Variants in KCTD8 observed in about 807,000 individuals in gnomAD.
KCTD8 encodes the protein BTB/POZ domain-containing protein KCTD8.
KCTD8 carries 27 observed loss-of-function variants against 31.5 expected under a neutral mutation model. The observed-to-expected ratio is 0.86, with a 90% confidence interval of 0.63 to 1.18. KCTD8 has a LOEUF of 1.18. KCTD8 is among the 50% of genes most tolerant of loss of function. The pLI, the probability that KCTD8 is intolerant of heterozygous loss-of-function variation, is 0.00. For missense variants in KCTD8, 658 were observed against 647.7 expected, an observed-to-expected ratio of 1.02 and a Z score of -0.17; for synonymous variants, 290 against 280.0, an observed-to-expected ratio of 1.04 and a Z score of -0.36.
intron 1 of KCTD8, among the ~76,000 whole-genome samples, chr4:44,330,070 A>G (rs1421900987): frequency 6.6e-6 from 1 of 151,976 alleles, no homozygotes; most frequent in African/African-American, 2.4e-5. Flanking sequence ...AAAAAATGCA[A>G]TGAACATGTC....
intron 1 of KCTD8, among the ~76,000 whole-genome samples, chr4:44,379,985 C>A (rs1188544872): frequency 6.6e-6 from 1 of 151,802 alleles, no homozygotes; most frequent in Non-Finnish European, 1.5e-5. Flanking sequence ...CCTTGTACAT[C>A]AACACTGAAT....
chr4:44,400,011 T>C (rs374390437), intron 1 of KCTD8, among the ~76,000 whole-genome samples: 2 of 152,322 alleles, frequency 1.3e-5, no homozygotes. Context: ...TTAATACTAG[T>C]AAGAAACTAG....
chr4:44,444,315 T>G (rs1486349096), intron 1 of KCTD8, among the ~76,000 whole-genome samples: 1 of 152,188 alleles, frequency 6.6e-6, no homozygotes, highest in South Asian at 2.1e-4. Context: ...AATTGGAATA[T>G]GATTAGCAAC....
intron 1 of KCTD8, among the ~76,000 whole-genome samples, chr4:44,251,751 T>C (rs1052826175): frequency 1.3e-5 from 2 of 151,624 alleles, no homozygotes; most frequent in African/African-American, 2.4e-5. Context: ...GTAACCTTTA[T>C]TGAGTTAAGG....
intron 1 of KCTD8, among the ~76,000 whole-genome samples, chr4:44,271,819 G>T (rs941481503): frequency 6.6e-6 from 1 of 152,162 alleles, no homozygotes; most frequent in South Asian, 2.1e-4. Flanking sequence ...TCACTGGCTT[G>T]CTGTCAATAA....
intron 1 of KCTD8, among the ~76,000 whole-genome samples, chr4:44,416,472 C>T (rs141289061): frequency 0.027 from 4,131 of 152,232 alleles, 74 homozygotes; most frequent in Middle Eastern, 0.078. Context: ...TCCTCCAAAT[C>T]TCATGTTGAA....
chr4:44,209,285 C>A (rs1292018261), intron 1 of KCTD8, among the ~76,000 whole-genome samples: 1 of 152,070 alleles, frequency 6.6e-6, no homozygotes, highest in Non-Finnish European at 1.5e-5. Context: ...AGATTCAGAA[C>A]TTCTGTTCAA....
chr4:44,262,577 A>G (rs1278286566), intron 1 of KCTD8, among the ~76,000 whole-genome samples: 2 of 152,174 alleles, frequency 1.3e-5, no homozygotes, highest in Admixed American at 6.5e-5. Context: ...AATGACAAGT[A>G]GAATTTGTTA....
intron 1 of KCTD8, among the ~76,000 whole-genome samples, chr4:44,302,569 G>A (rs1717661116): frequency 6.6e-6 from 1 of 151,986 alleles, no homozygotes; most frequent in African/African-American, 2.4e-5. Context: ...CATTGATTTT[G>A]TATCCTGAGA....
intron 1 of KCTD8, among the ~76,000 whole-genome samples, chr4:44,317,228 C>CT (rs760060899): frequency 0.018 from 672 of 36,508 alleles, 159 homozygotes; most frequent in Middle Eastern, 0.075. Flanking sequence ...TGGGTGCTTT[C>CT]TTTTTTTTTT....
At chr4:44,363,779 C>T (rs1719561272) in intron 1 of KCTD8, among the ~76,000 whole-genome samples, 1 of 152,012 alleles carries the variant, frequency 6.6e-6, no homozygotes, top group Non-Finnish European at 1.5e-5. Context: ...AATCAATAAC[C>T]ACATTTATGT....
At chr4:44,436,362 C>T (rs926804694) in intron 1 of KCTD8, among the ~76,000 whole-genome samples, 83 of 151,796 alleles carry the variant, frequency 5.5e-4, no homozygotes, top group African/African-American at 1.7e-3. Context: ...AAATTGATGG[C>T]ATTACATGTA....
At chr4:44,231,545 T>G (rs1354080715) in intron 1 of KCTD8, among the ~76,000 whole-genome samples, 1 of 152,192 alleles carries the variant, frequency 6.6e-6, no homozygotes, top group East Asian at 1.9e-4. Flanking sequence ...ATTATGAATA[T>G]TCACCTAAGT....
At chr4:44,402,614 T>TG (rs1226995073) in intron 1 of KCTD8, among the ~76,000 whole-genome samples, 2 of 152,028 alleles carry the variant, frequency 1.3e-5, no homozygotes, top group East Asian at 1.9e-4. Context: ...TCCTAGGTCC[T>TG]GGGGGGGCCC....
At chr4:44,442,094 A>G in intron 1 of KCTD8, among the ~76,000 whole-genome samples, 1 of 152,114 alleles carries the variant, frequency 6.6e-6, no homozygotes, top group East Asian at 1.9e-4. Flanking sequence ...CTTTTTATCT[A>G]TGTGTACACA....
chr4:44,407,989 T>A (rs1419184475), intron 1 of KCTD8, among the ~76,000 whole-genome samples: 1 of 152,160 alleles, frequency 6.6e-6, no homozygotes. Context: ...TTCCAGAGCT[T>A]ACTAAGATCT....
At chr4:44,245,063 A>G (rs1715614338) in intron 1 of KCTD8, among the ~76,000 whole-genome samples, 1 of 152,194 alleles carries the variant, frequency 6.6e-6, no homozygotes, top group Non-Finnish European at 1.5e-5. Context: ...AAACATACTC[A>G]ACCATTCTCT....
intron 1 of KCTD8, among the ~76,000 whole-genome samples, chr4:44,292,038 TAA>T (rs1384504560): frequency 6.8e-6 from 1 of 148,132 alleles, no homozygotes; most frequent in Non-Finnish European, 1.5e-5. Flanking sequence ...GGTGGGAATA[TAA>T]GTTATTCATC....
chr4:44,323,540 T>C (rs1718359697), intron 1 of KCTD8, among the ~76,000 whole-genome samples: 1 of 117,830 alleles, frequency 8.5e-6, no homozygotes, highest in South Asian at 2.7e-4. Context: ...AAAAATAGTG[T>C]TCAGGGTAAA....
Sources: gnomAD v4.1 joint callset for allele counts (sites outside exome capture counted in the v4.1 genomes callset) on GRCh38, gnomAD v4.1.1 for gene constraint, MANE v1.5 for transcripts, NCBI Gene and HGNC (gene_info 2026-07-23, HGNC 2026-07-21) for gene names.